The following ABCC9 variants were observed in gnomAD, a reference collection of about 807,000 sequenced individuals.
ABCC9 encodes the protein ATP binding cassette subfamily C member 9.
ABCC9 carries 95 observed loss-of-function variants against 188.3 expected under a neutral mutation model. The observed-to-expected ratio is 0.50, with a 90% CI of 0.43 to 0.60. The LOEUF (loss-of-function observed/expected upper bound fraction) is 0.60. Among genes scored for constraint, ABCC9 ranks in the 20% least tolerant of loss-of-function variants. ABCC9 has a pLI of 0.00. For missense variants in ABCC9, 1,102 were observed against 1,876.3 expected, an observed-to-expected ratio of 0.59 and a Z score of 7.62; for synonymous variants, 659 against 652.7, an observed-to-expected ratio of 1.01 and a Z score of -0.15.
chr12:21,879,468 T>C (rs1167012276), intron 16 of ABCC9, among the ~76,000 whole-genome samples: 2 of 152,126 alleles, frequency 1.3e-5, no homozygotes, highest in Non-Finnish European at 2.9e-5. Context: ...GGGGAGCAAT[T>C]GCTTAATGGA....
intron 31 of ABCC9, among the ~76,000 whole-genome samples, chr12:21,823,667 TAA>T (rs1236479131): frequency 6.6e-6 from 1 of 152,232 alleles, no homozygotes; most frequent in African/African-American, 2.4e-5. Flanking sequence ...AGCCTTTAGA[TAA>T]AGTTACACCA....
intron 39 of ABCC9, among the ~76,000 whole-genome samples, chr12:21,804,023 C>T (rs569663563): frequency 1.3e-5 from 2 of 152,122 alleles, no homozygotes; most frequent in Admixed American, 6.5e-5. Flanking sequence ...CATGGTGGTG[C>T]TCTCCCTTTT....
chr12:21,808,792 A>AG (rs944914079), intron 37 of ABCC9, among the ~76,000 whole-genome samples: 18 of 150,562 alleles, frequency 1.2e-4, no homozygotes, highest in Admixed American at 3.3e-4. Context: ...AAAAAAAAAA[A>AG]AAAAAAAGAA....
intron 22 of ABCC9, among the ~76,000 whole-genome samples, chr12:21,855,802 A>G (rs73074912): frequency 0.057 from 8,736 of 152,228 alleles, 362 homozygotes; most frequent in South Asian, 0.12. Flanking sequence ...TGGTGGATTA[A>G]TATTGTGCTT....
intron 30 of ABCC9, among the ~76,000 whole-genome samples, chr12:21,829,586 T>C (rs74070311): frequency 2.0e-5 from 3 of 152,206 alleles, no homozygotes; most frequent in African/African-American, 7.2e-5. Flanking sequence ...CAGGTGTTTA[T>C]TTCCTTTCTT....
chr12:21,859,262 T>A (rs569771548), intron 22 of ABCC9, among the ~76,000 whole-genome samples: 48 of 152,212 alleles, frequency 3.2e-4, no homozygotes, highest in African/African-American at 1.1e-3. Context: ...TTCTTTGCCA[T>A]CAAATATAAA....
At chr12:21,862,813 C>A in intron 20 of ABCC9, 140 bp downstream of exon 20, 1 of 651,136 alleles carries the variant, frequency 1.5e-6, no homozygotes. Flanking sequence ...TTCAAAAGAC[C>A]TTGGTGATGA....
chr12:21,877,778 G>A (rs943632631), intron 16 of ABCC9, among the ~76,000 whole-genome samples: 2 of 152,138 alleles, frequency 1.3e-5, no homozygotes, highest in Non-Finnish European at 2.9e-5. Context: ...AAATAATGCT[G>A]CTAAGAGACA....
intron 24 of ABCC9, among the ~76,000 whole-genome samples, chr12:21,849,480 T>C (rs994624795): frequency 6.6e-6 from 1 of 152,058 alleles, no homozygotes; most frequent in African/African-American, 2.4e-5. Flanking sequence ...TTAAAGAGGA[T>C]CCCTGTCTTG....
At chr12:21,873,679 G>A (rs527630639) in intron 17 of ABCC9, among the ~76,000 whole-genome samples, 23 of 152,092 alleles carry the variant, frequency 1.5e-4, no homozygotes, top group Admixed American at 3.3e-4. Flanking sequence ...ACAAACCTAC[G>A]GTAATCAAAA....
chr12:21,816,988 C>T (rs912676115), intron 33 of ABCC9, among the ~76,000 whole-genome samples, 199 bp downstream of exon 33: 1 of 152,026 alleles, frequency 6.6e-6, no homozygotes, highest in African/African-American at 2.4e-5. Context: ...TCTGTTTGGA[C>T]TCTGGTTTTA....
At chr12:21,868,074 C>T (rs1002552651) in intron 18 of ABCC9, among the ~76,000 whole-genome samples, 2 of 152,192 alleles carry the variant, frequency 1.3e-5, no homozygotes, top group Non-Finnish European at 2.9e-5. Flanking sequence ...TGCACATTGG[C>T]ATTCTGACAA....
chr12:21,877,629 C>G (rs1946428781), intron 16 of ABCC9, among the ~76,000 whole-genome samples: 1 of 152,096 alleles, frequency 6.6e-6, no homozygotes, highest in South Asian at 2.1e-4. Context: ...CAGCATGAAA[C>G]TAAGAGAGAC....
intron 14 of ABCC9, 22 bp from the exon 15 acceptor site, chr12:21,887,956 G>C: frequency 1.3e-6 from 2 of 1,554,994 alleles, no homozygotes; most frequent in Non-Finnish European, 1.8e-6. Context: ...AATAAACACA[G>C]AATAAGAGTT....
At chr12:21,860,797 G>A (rs578128111) in intron 21 of ABCC9, among the ~76,000 whole-genome samples, 174 bp downstream of exon 21, 7 of 152,174 alleles carry the variant, frequency 4.6e-5, no homozygotes, top group South Asian at 4.1e-4. Context: ...ATATTAATAC[G>A]TAAGAAAGAG....
rs1944198598 is a variant in ABCC9, at chr12:21,838,170, C to T, written c.3474G>A (p.Lys1158=). Residue 1158 remains lysine, a splice_region_variant and synonymous_variant, in exon 30 of 40, where the codon AAG becomes AAA. Coordinates refer to ENST00000261200, the MANE Select transcript of ABCC9 (RefSeq NM_020297.4). ...FIQKYFRVAS[K]DLQELDDSTQ... ...TACTATCGTCAAGTTCCTGGAGGTC[C>T]CTAGTAGAGAGAGGGGCAAAAATAA... is the stretch of plus-strand genomic sequence containing the variant. 6.2e-7 allele frequency: 1 copy of T among 1,611,034 alleles called. No individual in the cohort carries two copies. Among genetic ancestry groups the T allele is most frequent in the Admixed American group, 1.7e-5 (1 of 59,988 alleles).
At chr12:21,848,072 T>G in intron 25 of ABCC9, 78 bp downstream of exon 25, 2 of 1,271,498 alleles carry the variant, frequency 1.6e-6, no homozygotes, top group Middle Eastern at 1.9e-4. Context: ...TTATTCCTCA[T>G]GGAGACACTC....
intron 5 of ABCC9, among the ~76,000 whole-genome samples, chr12:21,920,152 C>G (rs1948752031): frequency 6.6e-6 from 1 of 151,978 alleles, no homozygotes; most frequent in African/African-American, 2.4e-5. Flanking sequence ...TTATGAAAGA[C>G]TGACCATTTT....
At chr12:21,838,203 G>A (rs751943931) in intron 29 of ABCC9, 33 bp from the exon 30 acceptor site, 1 of 1,387,450 alleles carries the variant, frequency 7.2e-7, no homozygotes, top group Non-Finnish European at 1.0e-6. Flanking sequence ...TAAACTTCAT[G>A]TGCATCCAGA....
Sources: allele counts gnomAD v4.1 joint callset (sites outside exome capture counted in the v4.1 genomes callset), GRCh38; gene constraint gnomAD v4.1.1; transcripts MANE v1.5; gene names NCBI Gene and HGNC (gene_info 2026-07-23, HGNC 2026-07-21).